The following BACH2 variants were observed in gnomAD, a reference collection of about 807,000 sequenced individuals.
The protein encoded by BACH2 is transcription regulator protein BACH2.
In BACH2, 5 loss-of-function variants were observed where a neutral mutation model predicts 61.8. That is an observed-to-expected ratio of 0.08 (90% confidence interval 0.04 to 0.17). The LOEUF is 0.17. Among genes scored for constraint, BACH2 ranks in the 10% least tolerant of loss-of-function variants. The pLI is 1.00. For synonymous variants in BACH2, 446 were observed against 440.1 expected (o/e 1.01, Z -0.17); for missense variants, 824 against 1,091.1 (o/e 0.76, Z 3.45).
intron 6 of BACH2, among the ~76,000 whole-genome samples, chr6:89,963,082 G>C (rs1283301853): frequency 6.6e-6 from 1 of 152,128 alleles, no homozygotes; most frequent in Non-Finnish European, 1.5e-5. Flanking sequence ...CAAAGGACTT[G>C]AATAGACGTT....
intron 5 of BACH2, among the ~76,000 whole-genome samples, chr6:90,067,495 G>A (rs1180683050): frequency 6.6e-6 from 1 of 152,230 alleles, no homozygotes; most frequent in East Asian, 1.9e-4. Flanking sequence ...CTCATGCAAG[G>A]AGGGCAGGAA....
At chr6:90,207,767 C>T (rs185370453) in intron 3 of BACH2, among the ~76,000 whole-genome samples, 72 of 152,216 alleles carry the variant, frequency 4.7e-4, no homozygotes, top group African/African-American at 1.7e-3. Flanking sequence ...CCCACCATAA[C>T]CATCTTTAGT....
chr6:90,077,274 G>C (rs1271648977), intron 5 of BACH2, among the ~76,000 whole-genome samples: 1 of 152,136 alleles, frequency 6.6e-6, no homozygotes, highest in Admixed American at 6.6e-5. Context: ...ATGGCAAAGG[G>C]CAAGAGGGAC....
At chr6:89,958,854 C>A (rs1467901633) in intron 6 of BACH2, among the ~76,000 whole-genome samples, 1 of 152,122 alleles carries the variant, frequency 6.6e-6, no homozygotes, top group Non-Finnish European at 1.5e-5. Flanking sequence ...TCACTGAGAC[C>A]TTTCCTGGTC....
intron 4 of BACH2, among the ~76,000 whole-genome samples, chr6:90,151,370 G>A (rs542512514): frequency 2.0e-5 from 3 of 151,960 alleles, no homozygotes; most frequent in Admixed American, 1.3e-4. Context: ...CTGTAGCCTC[G>A]ACCTCCCAGG....
intron 3 of BACH2, among the ~76,000 whole-genome samples, chr6:90,216,957 G>C (rs576142685): frequency 6.6e-6 from 1 of 152,282 alleles, no homozygotes; most frequent in African/African-American, 2.4e-5. Context: ...TCCTGACGGG[G>C]AGGGAACATT....
chr6:90,077,031 C>A (rs1781500992), intron 5 of BACH2, among the ~76,000 whole-genome samples: 1 of 152,152 alleles, frequency 6.6e-6, no homozygotes, highest in African/African-American at 2.4e-5. Context: ...ATCTCCATTG[C>A]AAATACTTTA....
At chr6:90,007,039 A>G (rs568777387) in intron 6 of BACH2, among the ~76,000 whole-genome samples, 1 of 152,032 alleles carries the variant, frequency 6.6e-6, no homozygotes, top group Non-Finnish European at 1.5e-5. Context: ...TGTCTATCAA[A>G]TAGACAAACA....
At position 89,947,793 on chromosome 6, in the gene BACH2, G is replaced by A. The variant is rs543889805; in HGVS notation, c.1836+2477C>T. Among the ~76,000 whole-genome samples the A allele has an allele frequency of 4.6e-5, 7 of 151,892 alleles. No homozygotes were observed. The East Asian group carries it at 7.8e-4, about 17-fold the overall frequency. Reference sequence around the variant, plus strand: ...TCACCGTGTTAGCCAGGATGGTCTCGATCTCCCGACCTTGTGATTCGCCCG... The same window carrying A: ...TCACCGTGTTAGCCAGGATGGTCTCAATCTCCCGACCTTGTGATTCGCCCG... On this transcript the variant is annotated intron_variant, in intron 7 of 8. Transcript: ENST00000257749.
intron 4 of BACH2, among the ~76,000 whole-genome samples, chr6:90,127,638 G>A (rs902457451): frequency 2.0e-5 from 3 of 152,212 alleles, no homozygotes; most frequent in Non-Finnish European, 2.9e-5. Flanking sequence ...AAAGAATGTA[G>A]TGTGATTTAA....
At chr6:90,192,649 T>A (rs1582469372) in intron 4 of BACH2, among the ~76,000 whole-genome samples, 1 of 152,156 alleles carries the variant, frequency 6.6e-6, no homozygotes, top group Non-Finnish European at 1.5e-5. Context: ...CTGTAGAAAA[T>A]CACTCTAACC....
chr6:89,981,667 T>C (rs1460054478), intron 6 of BACH2, among the ~76,000 whole-genome samples: 3 of 152,162 alleles, frequency 2.0e-5, no homozygotes, highest in Admixed American at 2.0e-4. Context: ...AATGGAATTA[T>C]TAGCGAGAAA....
intron 4 of BACH2, among the ~76,000 whole-genome samples, chr6:90,182,176 C>T (rs990983782): frequency 6.6e-6 from 1 of 152,210 alleles, no homozygotes; most frequent in African/African-American, 2.4e-5. Context: ...TTAATCACCA[C>T]TGCTAAGTAA....
intron 4 of BACH2, among the ~76,000 whole-genome samples, chr6:90,095,845 T>A (rs1782362434): frequency 1.3e-5 from 2 of 152,148 alleles, no homozygotes; most frequent in African/African-American, 2.4e-5. Flanking sequence ...TGCTAGGAAC[T>A]GTGCTAGAAA....
chr6:90,009,345 T>A (rs1777584220), intron 5 of BACH2, among the ~76,000 whole-genome samples: 2 of 152,226 alleles, frequency 1.3e-5, no homozygotes, highest in South Asian at 4.1e-4. Flanking sequence ...TTGGCTGAGA[T>A]GCCAAGTAGA....
In BACH2 at chr6:90,008,052, A is replaced by C. The variant is rs1230472169; in HGVS notation, c.243+550T>G. On this transcript the variant is annotated intron_variant, in intron 6 of 8. Transcript: ENST00000257749. The surrounding 1 kb of genome is among the most constrained non-coding windows in gnomAD (Gnocchi z 4.1). ...CAGCTACTAGTGTTCCCAAAGTGCCAAAATAACCGTATTCACTGATGTGAT... is the reference window on the plus strand; with the variant it reads ...CAGCTACTAGTGTTCCCAAAGTGCCCAAATAACCGTATTCACTGATGTGAT... 1.2e-5 allele frequency: 2 copies of C among 163,054 alleles called. No homozygotes were observed. Among genetic ancestry groups the C allele is most frequent in the Non-Finnish European group, 2.7e-5 (2 of 74,314 alleles). 10.1% of individuals were successfully genotyped at this position (163,054 alleles called of 1,614,324 possible).
chr6:90,238,906 C>T (rs1012861071), intron 3 of BACH2, among the ~76,000 whole-genome samples: 3 of 152,078 alleles, frequency 2.0e-5, no homozygotes, highest in Admixed American at 6.6e-5. Context: ...TCATAACCTC[C>T]CTGCTGTGAG....
At chr6:90,049,152 G>A (rs564152520) in intron 5 of BACH2, among the ~76,000 whole-genome samples, 1 of 152,254 alleles carries the variant, frequency 6.6e-6, no homozygotes, top group East Asian at 1.9e-4. Flanking sequence ...AACTTTTATT[G>A]AGTGCTCAGA....
chr6:90,263,018 T>C (rs1325866667), intron 2 of BACH2, among the ~76,000 whole-genome samples: 1 of 152,216 alleles, frequency 6.6e-6, no homozygotes, highest in Non-Finnish European at 1.5e-5. Flanking sequence ...AAGTCACAGT[T>C]TGTAAATTTG....
Sources: gnomAD v4.1 joint callset for allele counts (sites outside exome capture counted in the v4.1 genomes callset) on GRCh38, gnomAD v4.1.1 for gene constraint, Gnocchi (gnomAD v3.1) non-coding constraint, MANE v1.5 for transcripts, NCBI Gene and HGNC (gene_info 2026-07-23, HGNC 2026-07-21) for gene names.